Variants in GALNT10 observed in about 807,000 individuals in gnomAD.
The protein encoded by GALNT10 is polypeptide N-acetylgalactosaminyltransferase 10.
Under a neutral mutation model 75.0 loss-of-function variants are expected in GALNT10, and 41 were observed. The ratio of observed to expected loss-of-function variants is 0.55; its 90% CI spans 0.43 to 0.71. The LOEUF (loss-of-function observed/expected upper bound fraction) is 0.71. GALNT10 is among the 30% of genes least tolerant of loss of function. The probability of loss-of-function intolerance (pLI) is 0.00; values close to 1 mark genes in which losing one functional copy is unlikely to be tolerated. For missense variants in GALNT10, 727 were observed against 818.5 expected, an observed-to-expected ratio of 0.89 and a Z score of 1.36; for synonymous variants, 302 against 313.0, an observed-to-expected ratio of 0.96 and a Z score of 0.37.
At chr5:154,255,561 A>G (rs1454234670) in intron 1 of GALNT10, among the ~76,000 whole-genome samples, 1 of 151,940 alleles carries the variant, frequency 6.6e-6, no homozygotes, top group Non-Finnish European at 1.5e-5. Flanking sequence ...CAATGGTTAT[A>G]CTCCTTATTT....
intron 4 of GALNT10, among the ~76,000 whole-genome samples, chr5:154,361,962 G>T (rs910044494): frequency 1.3e-5 from 2 of 152,152 alleles, no homozygotes; most frequent in African/African-American, 4.8e-5. Flanking sequence ...TGGCTTCTGG[G>T]TGATGTGGGT....
At chr5:154,393,416 C>T (rs1248077774) in intron 7 of GALNT10, among the ~76,000 whole-genome samples, 2 of 152,178 alleles carry the variant, frequency 1.3e-5, no homozygotes, top group African/African-American at 4.8e-5. Flanking sequence ...AACCCTTCAT[C>T]CCTAGTGGCC....
At chr5:154,408,303 A>C (rs1756325356) in intron 8 of GALNT10, among the ~76,000 whole-genome samples, 1 of 152,218 alleles carries the variant, frequency 6.6e-6, no homozygotes. Context: ...ATAACAGCTT[A>C]AACTGCTAAC....
intron 1 of GALNT10, among the ~76,000 whole-genome samples, chr5:154,273,414 G>A (rs905845632): frequency 6.6e-6 from 1 of 152,198 alleles, no homozygotes; most frequent in African/African-American, 2.4e-5. Context: ...GATGCATAAT[G>A]TATGGTTTCT....
intron 4 of GALNT10, among the ~76,000 whole-genome samples, chr5:154,345,875 G>A (rs1755114594): frequency 6.6e-6 from 1 of 150,458 alleles, no homozygotes. Flanking sequence ...GAACTCTGGG[G>A]CTCAAGTGAT....
At chr5:154,219,674 T>C (rs1476248943) in intron 1 of GALNT10, 1 of 152,206 alleles carries the variant, frequency 6.6e-6, no homozygotes. Context: ...TCTGCATGTT[T>C]AACAAGCACA....
At chr5:154,230,654 T>C (rs535014187) in intron 1 of GALNT10, among the ~76,000 whole-genome samples, 1 of 152,314 alleles carries the variant, frequency 6.6e-6, no homozygotes, top group East Asian at 1.9e-4. Context: ...CTTGTGAGCC[T>C]CTCTTGCATA....
intron 1 of GALNT10, among the ~76,000 whole-genome samples, chr5:154,212,829 G>C (rs1581920751): frequency 6.6e-6 from 1 of 152,196 alleles, no homozygotes; most frequent in African/African-American, 2.4e-5. Flanking sequence ...TTAGCCAGGC[G>C]TGGTGACAGG....
chr5:154,337,617 G>T, intron 4 of GALNT10: 1 of 887,340 alleles, frequency 1.1e-6, no homozygotes, highest in Admixed American at 1.7e-5. Flanking sequence ...TCCAAAATTT[G>T]AAGACTGATA....
chr5:154,202,407 TG>T (rs1245604043), intron 1 of GALNT10, among the ~76,000 whole-genome samples: 1 of 152,206 alleles, frequency 6.6e-6, no homozygotes, highest in East Asian at 1.9e-4. Context: ...GAAACAGCAA[TG>T]ATCATTAGTT....
chr5:154,386,031 A>T (rs1307271863), intron 6 of GALNT10, among the ~76,000 whole-genome samples: 1 of 152,232 alleles, frequency 6.6e-6, no homozygotes, highest in South Asian at 2.1e-4. Context: ...TACAGGGCCC[A>T]TGTGGACAAA....
At chr5:154,250,769 G>C (rs1753505370) in intron 1 of GALNT10, among the ~76,000 whole-genome samples, 1 of 152,152 alleles carries the variant, frequency 6.6e-6, no homozygotes, top group South Asian at 2.1e-4. Flanking sequence ...ATCTTGTCCT[G>C]ACATCATTTG....
chr5:154,197,337 C>T (rs1774961212), intron 1 of GALNT10, among the ~76,000 whole-genome samples: 1 of 152,192 alleles, frequency 6.6e-6, no homozygotes, highest in Non-Finnish European at 1.5e-5. Context: ...GAACTTCTGT[C>T]TCTGCAGCTT....
intron 4 of GALNT10, among the ~76,000 whole-genome samples, chr5:154,347,775 A>G (rs1174092394): frequency 6.6e-6 from 1 of 152,222 alleles, no homozygotes; most frequent in African/African-American, 2.4e-5. Flanking sequence ...CAGACAAAAT[A>G]TTCACCTATA....
At chr5:154,191,080 A>T in intron 1 of GALNT10, 55 bp downstream of exon 1, 1 of 1,219,976 alleles carries the variant, frequency 8.2e-7, no homozygotes, top group Non-Finnish European at 1.1e-6. Context: ...ATTCACTTTT[A>T]GCCTGTGGTT....
intron 3 of GALNT10, among the ~76,000 whole-genome samples, chr5:154,318,192 C>T (rs1332715495): frequency 2.6e-5 from 4 of 152,172 alleles, no homozygotes; most frequent in African/African-American, 4.8e-5. Flanking sequence ...CAAGGAAAAT[C>T]GGGTTGCTGC....
In GALNT10 at chr5:154,273,512, G is replaced by A. The variant is rs964962592; in HGVS notation, c.160-21304G>A. Among the ~76,000 whole-genome samples the A allele has an allele frequency of 6.6e-5, 10 of 152,184 alleles. 1 individual carries two copies. The highest frequency in any genetic ancestry group is 1.5e-5 in the Non-Finnish European group (1 of 68,036). ...GTTATAAAAGGAGAGAGGGTTGCCA[G>A]GAGCATAATGTCCAGTAAATAGCCC... On this transcript the variant is annotated intron_variant, in intron 1 of 11. Transcript: ENST00000297107.
chr5:154,211,157 C>G (rs1208644623), intron 1 of GALNT10, among the ~76,000 whole-genome samples: 1 of 152,162 alleles, frequency 6.6e-6, no homozygotes. Flanking sequence ...GAGGACCCCT[C>G]AGGTATAAAG....
intron 4 of GALNT10, among the ~76,000 whole-genome samples, chr5:154,357,319 C>T (rs1219592775): frequency 6.6e-5 from 10 of 152,072 alleles, no homozygotes; most frequent in Non-Finnish European, 1.5e-4. Flanking sequence ...CCAAGCAACA[C>T]GTCTCTAACT....
Sources: allele counts gnomAD v4.1 joint callset (sites outside exome capture counted in the v4.1 genomes callset), GRCh38; gene constraint gnomAD v4.1.1; transcripts MANE v1.5; gene names NCBI Gene and HGNC (gene_info 2026-07-23, HGNC 2026-07-21).